Variants in CFAP20DC observed in about 807,000 individuals in gnomAD.
CFAP20DC encodes protein CFAP20DC.
CFAP20DC carries 84 observed loss-of-function variants against 101.7 expected under a neutral mutation model. That is an observed-to-expected ratio of 0.83 (90% CI 0.69 to 0.99). The LOEUF (loss-of-function observed/expected upper bound fraction) is 0.99. Ranked by LOEUF, CFAP20DC falls within the 50% of genes least tolerant of loss-of-function variation. The pLI is 0.00. For synonymous variants in CFAP20DC, 359 were observed against 351.2 expected, an observed-to-expected ratio of 1.02 and a Z score of -0.25; for missense variants, 1,007 against 970.3, an observed-to-expected ratio of 1.04 and a Z score of -0.50.
chr3:59,001,353 G>C lies in CFAP20DC; in HGVS notation c.278+38204C>G, dbSNP rs183284330. ...AGAGGAAAGGGGGTGGTAATCTTAT[G>C]CTTAGGAGTTTGGCCTTTGAAACAG... On this transcript the variant is annotated intron_variant, in intron 4 of 16. Transcript: ENST00000482387. The surrounding 1 kb of genome is among the most constrained non-coding windows in gnomAD (Gnocchi z 4.5). Among the ~76,000 whole-genome samples, 4 of 152,124 alleles carry C rather than the reference G, an allele frequency of 2.6e-5. No homozygotes were observed. Among genetic ancestry groups the C allele is most frequent in the African/African-American group, 9.6e-5 (4 of 41,528 alleles).
At chr3:58,955,363 G>T (rs971745663) in intron 4 of CFAP20DC, among the ~76,000 whole-genome samples, 3 of 152,138 alleles carry the variant, frequency 2.0e-5, no homozygotes. Context: ...CCCCATGTTC[G>T]GTTGTGGCAG....
At chr3:58,860,175 C>CAAAA (rs10575757) in intron 12 of CFAP20DC, among the ~76,000 whole-genome samples, 9 of 78,174 alleles carry the variant, frequency 1.2e-4, no homozygotes, top group East Asian at 3.1e-4. Flanking sequence ...AACTCCATCT[C>CAAAA]AAAAAAAAAA....
At chr3:58,934,858 G>C (rs995461328) in intron 5 of CFAP20DC, among the ~76,000 whole-genome samples, 10 of 152,130 alleles carry the variant, frequency 6.6e-5, no homozygotes, top group Admixed American at 2.0e-4. Flanking sequence ...TTTGAAAACT[G>C]GCACAAGACA....
chr3:58,796,663 T>A (rs1047456286), intron 15 of CFAP20DC, among the ~76,000 whole-genome samples: 3 of 152,044 alleles, frequency 2.0e-5, no homozygotes, highest in African/African-American at 7.2e-5. Flanking sequence ...GACACACACA[T>A]ACACACACAC....
At chr3:58,720,043 A>C (rs1278894259) in intron 3 of CFAP20DC, among the ~76,000 whole-genome samples, 1 of 152,124 alleles carries the variant, frequency 6.6e-6, no homozygotes, top group Admixed American at 6.5e-5. Context: ...GGTAGAGGCC[A>C]CCTTCCCTGT....
At position 58,916,117 on chromosome 3, in the gene CFAP20DC, T is replaced by G. The variant is rs868755287; in HGVS notation, c.394-2253A>C. Among the ~76,000 whole-genome samples the G allele has an allele frequency of 5.3e-5, 8 of 152,188 alleles. No homozygotes were observed. The South Asian group carries it at 1.0e-3, about 20-fold the overall frequency. ...TCCTTATACAACTTTAAAAACATTT[T>G]TGCAGTTAACCATTGTTTTTTAATA... On this transcript the variant is annotated intron_variant, in intron 5 of 16. Coordinates refer to ENST00000482387, the MANE Select transcript of CFAP20DC (RefSeq NM_001394063.1).
chr3:58,863,897 C>T lies in CFAP20DC; in HGVS notation c.1259-5G>A. 1 of 1,598,574 alleles carries T rather than the reference C, an allele frequency of 6.3e-7. No homozygotes were observed. The highest frequency in any genetic ancestry group is 8.5e-7 in the Non-Finnish European group (1 of 1,172,426). On this transcript the variant is annotated splice_region_variant and splice_polypyrimidine_tract_variant and intron_variant, in intron 11 of 16. Coordinates refer to ENST00000482387, the MANE Select transcript of CFAP20DC (RefSeq NM_001394063.1). This position sits in a 1 kb window ranked among gnomAD's most constrained non-coding sequence, Gnocchi z 5.9. ...TTTCAGGAAAAATCCACTCATCTGA[C>T]AGTTGGAAAAGATGACAAAAATTAG...
chr3:58,775,254 C>T (rs566891067), intron 15 of CFAP20DC, among the ~76,000 whole-genome samples: 1 of 152,152 alleles, frequency 6.6e-6, no homozygotes, highest in Non-Finnish European at 1.5e-5. Context: ...GAGACAAATG[C>T]TTGCCTTCTT....
rs2093443035 is a variant in CFAP20DC, at chr3:59,006,747, G to A, written c.278+32810C>T. On this transcript the variant is annotated intron_variant, in intron 4 of 16. Transcript: ENST00000482387. The surrounding 1 kb of genome is among the most constrained non-coding windows in gnomAD (Gnocchi z 4.3). ...AGACAGCCAGCAGAATTAGGGAGGG[G>A]TCACAAGATGAATGAAGCTTCCAAC... Among the ~76,000 whole-genome samples, 1 of 152,170 alleles carries A rather than the reference G, an allele frequency of 6.6e-6. No individual in the cohort carries two copies. Among genetic ancestry groups the A allele is most frequent in the Non-Finnish European group, 1.5e-5 (1 of 68,042 alleles).
intron 15 of CFAP20DC, among the ~76,000 whole-genome samples, chr3:58,761,538 C>T (rs539206718): frequency 1.3e-3 from 198 of 152,304 alleles, no homozygotes; most frequent in African/African-American, 4.4e-3. Context: ...CTATTTCCTT[C>T]AGTTCTGCTC....
intron 6 of CFAP20DC, among the ~76,000 whole-genome samples, chr3:58,896,607 A>T (rs570112979): frequency 1.3e-5 from 2 of 152,182 alleles, no homozygotes; most frequent in African/African-American, 4.8e-5. Context: ...AGTTTCAAAA[A>T]ACTTCTTGAT....
At chr3:59,010,929 A>G (rs2093567204) in intron 4 of CFAP20DC, among the ~76,000 whole-genome samples, 1 of 152,218 alleles carries the variant, frequency 6.6e-6, no homozygotes, top group Non-Finnish European at 1.5e-5. Context: ...ATACAAATAA[A>G]TGGAAATTAA....
rs73078054 is a variant in CFAP20DC, at chr3:58,874,349, G to A, written c.716-4040C>T. On this transcript the variant is annotated intron_variant, in intron 7 of 16. Transcript: ENST00000482387. The surrounding 1 kb of genome is among the most constrained non-coding windows in gnomAD (Gnocchi z 5.1). Reference sequence around the variant, plus strand: ...TGTGACTTACTGTGTCCACGCTGGTGCCCCATGCCATCCCTCCTCCAAAAT... The same window carrying A: ...TGTGACTTACTGTGTCCACGCTGGTACCCCATGCCATCCCTCCTCCAAAAT... Among the ~76,000 whole-genome samples the A allele has an allele frequency of 0.016, 2,461 of 152,234 alleles. 22 individuals carry two copies. Among genetic ancestry groups the A allele is most frequent in the Non-Finnish European group, 0.024 (1,613 of 68,016 alleles).
chr3:58,754,345 C>T (rs961656706), intron 15 of CFAP20DC, among the ~76,000 whole-genome samples: 1 of 152,124 alleles, frequency 6.6e-6, no homozygotes, highest in Non-Finnish European at 1.5e-5. Flanking sequence ...TAACTCGGGG[C>T]TTTTGAGCAG....
downstream of CFAP20DC, among the ~76,000 whole-genome samples, chr3:58,739,191 C>G (rs1284140853): frequency 6.6e-6 from 1 of 152,090 alleles, no homozygotes; most frequent in African/African-American, 2.4e-5. Flanking sequence ...CTTATAATTA[C>G]CAGGGAAACT....
chr3:58,914,692 AT>A lies in CFAP20DC; in HGVS notation c.394-829del, dbSNP rs557176306. On this transcript the variant is annotated intron_variant, in intron 5 of 16. Transcript: ENST00000482387. The surrounding 1 kb of genome is among the most constrained non-coding windows in gnomAD (Gnocchi z 4.9). The stretch of plus-strand genomic sequence containing the variant: ...TGTATATATAAATATATATATATAT[AT>A]TTTTTTTCTTTTTTTTAAAGACAAA... Among the ~76,000 whole-genome samples, 155 of 147,990 alleles carry A rather than the reference AT, an allele frequency of 1.0e-3. No individual in the cohort carries two copies. The highest frequency in any genetic ancestry group is 4.0e-3 in the South Asian group (19 of 4,762).
At chr3:58,816,597 G>A (rs932638516) in intron 14 of CFAP20DC, among the ~76,000 whole-genome samples, 2 of 151,622 alleles carry the variant, frequency 1.3e-5, no homozygotes, top group Non-Finnish European at 2.9e-5. Context: ...TTAAAAAACG[G>A]TGAACCACGA....
At chr3:58,801,075 A>AGAGAGAGAGAGAGAGAGAGAGAGAGAG (rs1194873944) in intron 15 of CFAP20DC, among the ~76,000 whole-genome samples, 3 of 129,436 alleles carry the variant, frequency 2.3e-5, no homozygotes, top group Admixed American at 7.6e-5. Context: ...GAGAGAGAGA[A>AGAGAGAGAGAGAGAGAGAGAGAGAGAG]AGTGAGAGAG....
At chr3:58,922,923 A>G (rs898669579) in intron 5 of CFAP20DC, among the ~76,000 whole-genome samples, 2 of 152,184 alleles carry the variant, frequency 1.3e-5, no homozygotes, top group Non-Finnish European at 2.9e-5. Context: ...CAAGAAGCTC[A>G]TAAAAGTATA....
Sources: gnomAD v4.1 joint callset for allele counts (sites outside exome capture counted in the v4.1 genomes callset) on GRCh38, gnomAD v4.1.1 for gene constraint, Gnocchi (gnomAD v3.1) non-coding constraint, MANE v1.5 for transcripts, NCBI Gene and HGNC (gene_info 2026-07-23, HGNC 2026-07-21) for gene names.